ARL1: variants seen among roughly 807,000 people sequenced by gnomAD.
ARL1 encodes the protein ARF like GTPase 1.
In ARL1, 17 loss-of-function variants were observed where a neutral mutation model predicts 30.1. That is an observed-to-expected ratio of 0.56 (90% CI 0.39 to 0.85). The LOEUF is 0.85. Ranked by LOEUF, ARL1 falls within the 40% of genes least tolerant of loss-of-function variation. The pLI is 0.00. For missense variants in ARL1, 102 were observed against 212.6 expected, an observed-to-expected ratio of 0.48 and a Z score of 3.24; for synonymous variants, 58 against 71.7, an observed-to-expected ratio of 0.81 and a Z score of 0.97.
chr12:101,395,670 C>T lies in ARL1; in HGVS notation c.516G>A (p.Trp172Ter), dbSNP rs1352049388. ...GTCTGCTTTTTAATGTTTCAACTAA[C>T]CTGTAAAGAGAAAATGAACTGTTTT... ...KGTGLDEAME[W>*]LVETLKSRQ The change falls in exon 6 of 6, where the codon TGG becomes TGA. Residue 172 changes from tryptophan (W) to a stop codon, truncating the protein, a stop_gained and splice_region_variant. Transcript: ENST00000261636. LOFTEE classifies it high-confidence loss of function. 1 of 1,559,916 alleles carries T rather than the reference C, an allele frequency of 6.4e-7. No homozygotes were observed. Among genetic ancestry groups the T allele is most frequent in the Admixed American group, 1.9e-5 (1 of 53,136 alleles).
Position 101,395,533 on chromosome 12 carries a change from C to A in ARL1, c.*107G>T, listed in dbSNP as rs1336249445. On this transcript the variant is annotated 3_prime_UTR_variant, in exon 6 of 6. Coordinates refer to ENST00000261636, the MANE Select transcript of ARL1 (RefSeq NM_001177.6). Reference sequence around the variant, plus strand: ...AAATATTGCAGTCAGTCAGTATATGCCAATAATCATATAGTTTTAACATCT... The same window carrying A: ...AAATATTGCAGTCAGTCAGTATATGACAATAATCATATAGTTTTAACATCT... 1 of 884,332 alleles carries A rather than the reference C, an allele frequency of 1.1e-6. No homozygotes were observed. The highest frequency in any genetic ancestry group is 2.5e-5 in the Admixed American group (1 of 40,508). 54.8% of individuals were successfully genotyped at this position (884,332 alleles called of 1,614,324 possible). A position where few individuals can be genotyped will look rare whatever the true frequency, so the allele number is the denominator to read the frequency against.
chr12:101,397,417 G>A (rs1871179793), intron 4 of ARL1, among the ~76,000 whole-genome samples: 1 of 152,018 alleles, frequency 6.6e-6, no homozygotes. Flanking sequence ...AAAGGAAGCA[G>A]AGAGAGGAGC....
rs1188644713 is a variant in ARL1 at position 101,395,197 on chromosome 12, A to G, written c.*443T>C. On this transcript the variant is annotated 3_prime_UTR_variant, in exon 6 of 6. Transcript: ENST00000261636. ...AAATAAAGATTATATTACACAAACT[A>G]TGTTCCTCACCTACTCTCATACTGA... is the stretch of plus-strand genomic sequence containing the variant. 1 of 154,172 alleles carries G rather than the reference A, an allele frequency of 6.5e-6. No homozygotes were observed. The highest frequency in any genetic ancestry group is 1.4e-5 in the Non-Finnish European group (1 of 69,176). The allele number at this position is 154,172 out of a possible 1,614,324, so 9.6% of individuals were successfully genotyped here.
intron 1 of ARL1, 159 bp downstream of exon 1, chr12:101,407,477 CACCCCT>C (rs949101513): frequency 3.5e-6 from 3 of 859,378 alleles, no homozygotes; most frequent in Non-Finnish European, 5.4e-6. Context: ...AGGCCGGATC[CACCCCT>C]ACAGATGAAG....
intron 4 of ARL1, among the ~76,000 whole-genome samples, chr12:101,398,036 A>G (rs146210028): frequency 3.3e-5 from 5 of 152,022 alleles, no homozygotes; most frequent in South Asian, 2.1e-4. Flanking sequence ...TGAATTCCTT[A>G]TATGTTCTTA....
intron 4 of ARL1, among the ~76,000 whole-genome samples, chr12:101,397,761 CA>C (rs1871191219): frequency 6.6e-6 from 1 of 152,102 alleles, no homozygotes; most frequent in African/African-American, 2.4e-5. Flanking sequence ...CTCGGCCTCC[CA>C]AAGTGCTGGG....
intron 3 of ARL1, among the ~76,000 whole-genome samples, chr12:101,402,462 C>T (rs1471240676): frequency 6.6e-6 from 1 of 152,210 alleles, no homozygotes; most frequent in African/African-American, 2.4e-5. Flanking sequence ...GCTGGGATTA[C>T]AGGCGTGAGC....
At chr12:101,395,952 C>A (rs998195776) in intron 5 of ARL1, among the ~76,000 whole-genome samples, 2 of 152,148 alleles carry the variant, frequency 1.3e-5, no homozygotes, top group African/African-American at 4.8e-5. Flanking sequence ...TCTCAATCCT[C>A]AAGGAGGTGA....
chr12:101,401,096 C>T lies in ARL1; in HGVS notation c.302G>A (p.Gly101Asp), dbSNP rs1295096319. 1 of 1,613,742 alleles carries T rather than the reference C, an allele frequency of 6.2e-7. No individual in the cohort carries two copies. Reference protein sequence around the residue: ...VVDSCDRDRIGISKSELVAML... With the variant: ...VVDSCDRDRIDISKSELVAML... ...GGCAACTAACTCTGATTTGGAAATGCCAATTCGGTCTCGGTCACAACTGTC... is the reference window on the plus strand; with the variant it reads ...GGCAACTAACTCTGATTTGGAAATGTCAATTCGGTCTCGGTCACAACTGTC... Residue 101 changes from glycine (G) to aspartate (D), a missense_variant, in exon 4 of 6, where the codon GGC (glycine) becomes GAC (aspartate). Physicochemically the swap from Gly to Asp is moderately conservative, Grantham distance 94 (BLOSUM62 -1). Transcript: ENST00000261636.
chr12:101,398,198 C>T (rs1313343724), intron 4 of ARL1, among the ~76,000 whole-genome samples: 1 of 151,752 alleles, frequency 6.6e-6, no homozygotes, highest in Non-Finnish European at 1.5e-5. Context: ...GAGTTCAAGA[C>T]CAGCCTGACC....
chr12:101,407,651 ACCC>A lies in ARL1; in HGVS notation c.-9_-7del. ...TTCTCGAACCCCTCACCCATGATGA[ACCC>A]CCTGTCCTCCCTCGCCGATCTTCAG... On this transcript the variant is annotated 5_prime_UTR_variant, in exon 1 of 6. Transcript: ENST00000261636. The A allele has an allele frequency of 6.2e-7, 1 of 1,611,128 alleles. No individual in the cohort carries two copies.
chr12:101,398,722 G>GCCA (rs1871221496), intron 4 of ARL1, among the ~76,000 whole-genome samples: 1 of 152,076 alleles, frequency 6.6e-6, no homozygotes, highest in Non-Finnish European at 1.5e-5. Context: ...ACAGGCGTGA[G>GCCA]CCACCACACC....
At chr12:101,405,375 C>T (rs1871411227) in intron 2 of ARL1, among the ~76,000 whole-genome samples, 1 of 152,110 alleles carries the variant, frequency 6.6e-6, no homozygotes, top group South Asian at 2.1e-4. Context: ...CTTTTACCTA[C>T]TTTGTTTATT....
chr12:101,407,657 T>G lies in ARL1; in HGVS notation c.-12A>C, dbSNP rs752491822. 9 of 1,612,270 alleles carry G rather than the reference T, an allele frequency of 5.6e-6. No homozygotes were observed. The highest frequency in any genetic ancestry group is 6.8e-6 in the Non-Finnish European group (8 of 1,179,756). On this transcript the variant is annotated 5_prime_UTR_variant, in exon 1 of 6. Coordinates refer to ENST00000261636, the MANE Select transcript of ARL1 (RefSeq NM_001177.6). Reference sequence around the variant, plus strand: ...AACCCCTCACCCATGATGAACCCCCTGTCCTCCCTCGCCGATCTTCAGTGA... The same window carrying G: ...AACCCCTCACCCATGATGAACCCCCGGTCCTCCCTCGCCGATCTTCAGTGA...
upstream of ARL1, chr12:101,407,807 G>T (rs989527069): frequency 2.0e-6 from 2 of 988,846 alleles, no homozygotes; most frequent in South Asian, 2.7e-5. Context: ...GCCGGGAACG[G>T]TGGCCTGAGC....
At chr12:101,405,726 G>A (rs1210285033) in intron 2 of ARL1, 118 bp downstream of exon 2, 42 of 1,127,582 alleles carry the variant, frequency 3.7e-5, no homozygotes, top group Non-Finnish European at 4.8e-5. Context: ...GACCAGCTTG[G>A]ACAACATAGT....
chr12:101,403,015 T>G (rs751915174), intron 2 of ARL1, 69 bp from the exon 3 acceptor site: 2 of 985,822 alleles, frequency 2.0e-6, no homozygotes, highest in African/African-American at 3.2e-5. Context: ...TCCTATCTAA[T>G]TGAGTTACAG....
rs1010485580 is a variant in ARL1, at chr12:101,401,793, C to T, written c.225-620G>A. Among the ~76,000 whole-genome samples the T allele has an allele frequency of 2.0e-5, 3 of 151,986 alleles. No homozygotes were observed. The East Asian group carries it at 5.8e-4, about 29-fold the overall frequency. ...ACTGATAGAAAAGTTGTACACAGAC[C>T]TGATCATTACATCTTCTTAAACAAA... On this transcript the variant is annotated intron_variant, in intron 3 of 5. Coordinates refer to ENST00000261636, the MANE Select transcript of ARL1 (RefSeq NM_001177.6).
chr12:101,398,086 A>G (rs1871198364), intron 4 of ARL1, among the ~76,000 whole-genome samples: 1 of 151,856 alleles, frequency 6.6e-6, no homozygotes, highest in African/African-American at 2.4e-5. Context: ...ACCCATTTAG[A>G]ATTCATTTTT....
Sources: gnomAD v4.1 joint callset for allele counts (sites outside exome capture counted in the v4.1 genomes callset) on GRCh38, gnomAD v4.1.1 for gene constraint, MANE v1.5 for transcripts, NCBI Gene and HGNC (gene_info 2026-07-23, HGNC 2026-07-21) for gene names.